Variants in GLIS3 observed in about 807,000 individuals in gnomAD.
The protein encoded by GLIS3 is zinc finger protein GLIS3.
A neutral mutation model predicts 78.6 loss-of-function variants in GLIS3; 53 were observed. The ratio of observed to expected loss-of-function variants is 0.67; its 90% CI spans 0.54 to 0.85. The LOEUF is 0.85. Ranked by LOEUF, GLIS3 falls within the 40% of genes least tolerant of loss-of-function variation. The pLI, the probability that GLIS3 is intolerant of heterozygous loss-of-function variation, is 0.00. For missense variants in GLIS3, 1,703 were observed against 1,231.1 expected (o/e 1.38, Z -5.74); for synonymous variants, 684 against 509.9 (o/e 1.34, Z -4.60).
intron 2 of GLIS3, among the ~76,000 whole-genome samples, chr9:4,261,320 C>T (rs1020942855): frequency 6.6e-6 from 1 of 151,976 alleles, no homozygotes; most frequent in African/African-American, 2.4e-5. Context: ...GGACTTGATA[C>T]TCTGCCATAA....
At chr9:3,836,733 A>G (rs1294487473) in intron 9 of GLIS3, among the ~76,000 whole-genome samples, 2 of 152,202 alleles carry the variant, frequency 1.3e-5, no homozygotes, top group Non-Finnish European at 2.9e-5. Context: ...GACGAGAGCC[A>G]TATGCTGACA....
chr9:4,109,935 A>T (rs886325821), intron 4 of GLIS3, among the ~76,000 whole-genome samples: 1 of 152,174 alleles, frequency 6.6e-6, no homozygotes, highest in African/African-American at 2.4e-5. Context: ...AGCCTGCCCA[A>T]ACTCTACAGG....
chr9:3,850,727 A>C (rs1418135683), intron 9 of GLIS3, among the ~76,000 whole-genome samples: 1 of 152,038 alleles, frequency 6.6e-6, no homozygotes, highest in Non-Finnish European at 1.5e-5. Flanking sequence ...TGAGTTCTCC[A>C]TTCTCTTCCT....
intron 4 of GLIS3, chr9:4,035,970 C>T (rs1298971788): frequency 6.6e-6 from 1 of 152,354 alleles, no homozygotes; most frequent in Admixed American, 6.5e-5. Flanking sequence ...ACAATGAATC[C>T]TTCTTTCCTA....
chr9:3,997,823 T>C (rs1360273557), intron 4 of GLIS3, among the ~76,000 whole-genome samples: 1 of 152,232 alleles, frequency 6.6e-6, no homozygotes, highest in African/African-American at 2.4e-5. Context: ...AGCATTTCTA[T>C]TCAGCATCAC....
At chr9:4,371,907 C>A in the GLIS3 span, among the ~76,000 whole-genome samples, 8 of 152,176 alleles carry the variant, frequency 5.3e-5, no homozygotes, top group African/African-American at 9.7e-5. Context: ...TGAACTGTGT[C>A]CTCCCACCTA....
intron 2 of GLIS3, among the ~76,000 whole-genome samples, chr9:4,178,953 AATAG>A (rs1817041359): frequency 6.6e-6 from 1 of 152,198 alleles, no homozygotes; most frequent in Non-Finnish European, 1.5e-5. Flanking sequence ...CTAACTTATA[AATAG>A]ATAGTAGTTT....
At chr9:4,253,186 G>A (rs937084330) in intron 2 of GLIS3, among the ~76,000 whole-genome samples, 17 of 152,214 alleles carry the variant, frequency 1.1e-4, no homozygotes, top group Admixed American at 2.0e-4. Flanking sequence ...AGGCAGGAAC[G>A]TTTAAGTCTG....
chr9:3,918,453 T>G (rs1207860235), intron 6 of GLIS3, among the ~76,000 whole-genome samples: 5 of 152,200 alleles, frequency 3.3e-5, no homozygotes, highest in Non-Finnish European at 7.3e-5. Context: ...TCAAGTTCCC[T>G]AAGCTCAGAA....
the GLIS3 span, among the ~76,000 whole-genome samples, chr9:4,437,333 G>A: frequency 1.1e-3 from 161 of 152,162 alleles, 5 homozygotes; most frequent in South Asian, 0.032. Context: ...CAAAATATTT[G>A]TATGATTTGA....
At chr9:4,436,367 A>C in the GLIS3 span, among the ~76,000 whole-genome samples, 6 of 152,128 alleles carry the variant, frequency 3.9e-5, no homozygotes, top group African/African-American at 1.5e-4. Context: ...ATAGGAAATA[A>C]GATAAAATTG....
rs71324277 is a variant in GLIS3 at position 3,985,096 on chromosome 9, C to CA, written c.1711-47908dup. ...ACAGACTAGTACAGAGCTCAATTCACAAAAAAAAAAAAACCCATTTTTCCT... is the reference window on the plus strand; with the variant it reads ...ACAGACTAGTACAGAGCTCAATTCACAAAAAAAAAAAAAACCCATTTTTCCT... On this transcript the variant is annotated intron_variant, in intron 4 of 10. Coordinates refer to ENST00000381971, the MANE Select transcript of GLIS3 (RefSeq NM_001042413.2). Among the ~76,000 whole-genome samples the CA allele has an allele frequency of 8.1e-3, 1,153 of 142,146 alleles. 11 individuals are homozygous for CA. Among genetic ancestry groups the CA allele is most frequent in the African/African-American group, 0.016 (614 of 38,666 alleles). 93.3% of individuals were successfully genotyped at this position (142,146 alleles called of 152,430 possible).
At chr9:4,283,410 C>T (rs555803355) in intron 2 of GLIS3, among the ~76,000 whole-genome samples, 2 of 151,986 alleles carry the variant, frequency 1.3e-5, no homozygotes, top group African/African-American at 2.4e-5. Context: ...GGATTACAGG[C>T]GCCCACCACC....
the GLIS3 span, among the ~76,000 whole-genome samples, chr9:4,414,869 C>A: frequency 1.3e-5 from 2 of 151,978 alleles, no homozygotes; most frequent in African/African-American, 4.8e-5. Flanking sequence ...CCTGTTAGGT[C>A]AGTTTAGCTA....
chr9:4,290,711 T>C (rs1456143715), intron 1 of GLIS3, among the ~76,000 whole-genome samples: 1 of 152,104 alleles, frequency 6.6e-6, no homozygotes, highest in Non-Finnish European at 1.5e-5. Flanking sequence ...GAAAAGACTG[T>C]ATAAACAAAA....
chr9:4,396,206 G>C, the GLIS3 span, among the ~76,000 whole-genome samples: 344 of 151,370 alleles, frequency 2.3e-3, 4 homozygotes, highest in Non-Finnish European at 4.9e-4. Flanking sequence ...TCTACCTCTG[G>C]GGTTTAAGCG....
chr9:4,256,524 A>G (rs1824957078), intron 2 of GLIS3, among the ~76,000 whole-genome samples: 1 of 152,218 alleles, frequency 6.6e-6, no homozygotes, highest in Admixed American at 6.5e-5. Flanking sequence ...CCTAAAGGAC[A>G]CTTTGGAAAT....
chr9:4,053,661 C>G (rs980513626), intron 4 of GLIS3, among the ~76,000 whole-genome samples: 1 of 132,188 alleles, frequency 7.6e-6, no homozygotes, highest in African/African-American at 2.7e-5. Flanking sequence ...AGCTACAAGA[C>G]AGAGGAAGAG....
intron 4 of GLIS3, among the ~76,000 whole-genome samples, chr9:4,057,415 G>T (rs1389991835): frequency 6.6e-6 from 1 of 152,042 alleles, no homozygotes; most frequent in Non-Finnish European, 1.5e-5. Context: ...ACATTTTTAT[G>T]CTAAAGAGCT....
Sources: gnomAD v4.1 joint callset for allele counts (sites outside exome capture counted in the v4.1 genomes callset) on GRCh38, gnomAD v4.1.1 for gene constraint, MANE v1.5 for transcripts, NCBI Gene and HGNC (gene_info 2026-07-23, HGNC 2026-07-21) for gene names.